The following ZNF782 variants were observed in gnomAD, a reference collection of about 807,000 sequenced individuals.
ZNF782 encodes zinc finger protein 782.
ZNF782 carries 12 observed loss-of-function variants against 13.0 expected under a neutral mutation model. The observed-to-expected ratio is 0.92, with a 90% CI of 0.59 to 1.50. The LOEUF is 1.50. Among genes scored for constraint, ZNF782 ranks in the 40% most tolerant of loss-of-function variants. The pLI, the probability that ZNF782 is intolerant of heterozygous loss-of-function variation, is 0.00. For synonymous variants in ZNF782, 284 were observed against 283.0 expected (o/e 1.00, Z -0.04); for missense variants, 770 against 822.9 (o/e 0.94, Z 0.79).
the ZNF782 span, chr9:96,888,638 T>C: frequency 6.6e-6 from 1 of 152,264 alleles, no homozygotes; most frequent in Non-Finnish European, 1.5e-5. Flanking sequence ...CTGAGCTTAA[T>C]GCAGGATGCA....
intron 4 of ZNF782, among the ~76,000 whole-genome samples, chr9:96,838,019 C>A (rs1419002112): frequency 2.0e-5 from 3 of 152,122 alleles, no homozygotes; most frequent in Non-Finnish European, 4.4e-5. Context: ...AGCCTCTGTG[C>A]CCTGCCTTTT....
the ZNF782 span, among the ~76,000 whole-genome samples, chr9:96,885,705 G>A: frequency 6.8e-6 from 1 of 147,602 alleles, no homozygotes; most frequent in Admixed American, 6.6e-5. Flanking sequence ...TAAGTTTCTG[G>A]AAACAAAAAA....
At chr9:96,910,639 CTTTTTT>C in the ZNF782 span, among the ~76,000 whole-genome samples, 1 of 150,014 alleles carries the variant, frequency 6.7e-6, no homozygotes, top group East Asian at 2.0e-4. Context: ...TGCTTTTTTT[CTTTTTT>C]CTTTTTTTTG....
chr9:96,818,534 G>C lies in ZNF782; in HGVS notation c.1489C>G (p.Arg497Gly). ...FSHMSGLRNH[R>G]RTHTGERPYK... ...GGTCTTTCCCCTGTGTGAGTTCTTC[G>C]GTGATTCCTTAGGCCTGACATATGG... Residue 497 changes from arginine to glycine, a missense_variant, in exon 6 of 6, where the codon CGA becomes GGA. By Grantham distance (125) the Arg-to-Gly change is moderately radical. Transcript: ENST00000481138. 1 of 1,613,644 alleles carries C rather than the reference G, an allele frequency of 6.2e-7. No homozygotes were observed. Among genetic ancestry groups the C allele is most frequent in the Non-Finnish European group, 8.5e-7 (1 of 1,179,938 alleles).
At chr9:96,903,900 G>A in the ZNF782 span, among the ~76,000 whole-genome samples, 2 of 151,860 alleles carry the variant, frequency 1.3e-5, no homozygotes, top group Non-Finnish European at 2.9e-5. Flanking sequence ...CTAGGAGTGG[G>A]ACTGGTGGGT....
intron 1 of ZNF782, among the ~76,000 whole-genome samples, chr9:96,870,652 AG>A (rs1263428338): frequency 1.3e-5 from 2 of 152,254 alleles, no homozygotes; most frequent in Non-Finnish European, 2.9e-5. Flanking sequence ...GAACTATGTA[AG>A]GGTTTAAAAC....
rs188234442 is a variant in ZNF782, at chr9:96,840,662, T to C, written c.142+4228A>G. On this transcript the variant is annotated intron_variant, in intron 4 of 5. Coordinates refer to ENST00000481138, the MANE Select transcript of ZNF782 (RefSeq NM_001001662.3). ...TGCATTTCTTCATACAGTCTCATAC[T>C]ATATGAATGAGTGTTCAATCAAAGA... Among the ~76,000 whole-genome samples the C allele has an allele frequency of 3.5e-3, 537 of 152,134 alleles. 2 individuals are homozygous for C. Among genetic ancestry groups the C allele is most frequent in the Non-Finnish European group, 5.6e-3 (381 of 67,878 alleles).
At chr9:96,863,105 A>G (rs1851721313) in intron 1 of ZNF782, among the ~76,000 whole-genome samples, 1 of 151,472 alleles carries the variant, frequency 6.6e-6, no homozygotes, top group African/African-American at 2.5e-5. Flanking sequence ...AAAACATTAC[A>G]ACAAAGTACT....
In ZNF782 at chr9:96,821,702, T is replaced by C. The variant is rs551143305; in HGVS notation, c.245-1924A>G. ...TTTTTTTTTCTTGAGACAGAGTCCTTGATCTGTCACCCAGGCTGGAGTGCA... is the reference window on the plus strand; with the variant it reads ...TTTTTTTTTCTTGAGACAGAGTCCTCGATCTGTCACCCAGGCTGGAGTGCA... On this transcript the variant is annotated intron_variant, in intron 5 of 5. Transcript: ENST00000481138. Among the ~76,000 whole-genome samples the C allele has an allele frequency of 1.2e-4, 18 of 151,752 alleles. 1 individual carries two copies. The South Asian group carries it at 3.5e-3, about 30-fold the overall frequency.
the ZNF782 span, chr9:96,910,366 T>C: frequency 1.7e-6 from 1 of 587,804 alleles, no homozygotes; most frequent in Non-Finnish European, 3.2e-6. Flanking sequence ...AGGATGATGA[T>C]GTCGATACCA....
intron 1 of ZNF782, among the ~76,000 whole-genome samples, chr9:96,863,294 C>G (rs896257907): frequency 1.3e-5 from 2 of 150,862 alleles, no homozygotes; most frequent in Non-Finnish European, 2.9e-5. Flanking sequence ...GAAATGCAAA[C>G]GAAAACCACA....
chr9:96,825,666 G>A (rs1311235036), intron 5 of ZNF782, among the ~76,000 whole-genome samples: 2 of 152,052 alleles, frequency 1.3e-5, no homozygotes, highest in Non-Finnish European at 2.9e-5. Context: ...ATCTGACAAA[G>A]GGCTAATATC....
Position 96,820,271 on chromosome 9 carries a change from A to G in ZNF782, c.245-493T>C, listed in dbSNP as rs536690920. Among the ~76,000 whole-genome samples the G allele has an allele frequency of 1.6e-4, 24 of 152,366 alleles. No individual in the cohort carries two copies. In the South Asian group the frequency reaches 5.0e-3, roughly 32 times the overall value. On this transcript the variant is annotated intron_variant, in intron 5 of 5. Transcript: ENST00000481138. The stretch of plus-strand genomic sequence containing the variant: ...TATAAATTACAATGGTAGGATAATC[A>G]TTAGCCTGCAATAGTTCAGTTGGAG...
At chr9:96,917,887 C>CGCGTGTGTGT in the ZNF782 span, among the ~76,000 whole-genome samples, 2 of 121,682 alleles carry the variant, frequency 1.6e-5, no homozygotes, top group African/African-American at 7.2e-5. Context: ...CCACCCTTGG[C>CGCGTGTGTGT]GTGTGTGTGT....
chr9:96,899,466 T>A, the ZNF782 span, among the ~76,000 whole-genome samples: 3 of 152,234 alleles, frequency 2.0e-5, no homozygotes, highest in Admixed American at 6.5e-5. Context: ...CTAGGAGCTC[T>A]CTTTAAAGAT....
At chr9:96,902,273 A>C in the ZNF782 span, among the ~76,000 whole-genome samples, 1 of 148,442 alleles carries the variant, frequency 6.7e-6, no homozygotes, top group South Asian at 2.1e-4. Context: ...AAAATACAAA[A>C]ATTAGCCAGG....
chr9:96,860,011 C>A (rs898333410), intron 3 of ZNF782, among the ~76,000 whole-genome samples: 1 of 151,980 alleles, frequency 6.6e-6, no homozygotes, highest in Non-Finnish European at 1.5e-5. Flanking sequence ...GTGATGACGT[C>A]GTAGGTGGGA....
In ZNF782 at chr9:96,850,063, A is replaced by G. The variant is rs1325714419; in HGVS notation, c.15+1884T>C. ...GAATGCTTATACGCTGCTGGTAGGA[A>G]TGTAAATTAGGACAACCTCTATGGA... On this transcript the variant is annotated intron_variant, in intron 3 of 5. Transcript: ENST00000481138. This position sits in a 1 kb window ranked among gnomAD's most constrained non-coding sequence, Gnocchi z 4.3. 2.0e-5 allele frequency among the ~76,000 whole-genome samples: 3 copies of G among 152,232 alleles called. No individual in the cohort carries two copies. The highest frequency in any genetic ancestry group is 4.4e-5 in the Non-Finnish European group (3 of 68,038).
In ZNF782 at chr9:96,819,353, A is replaced by C; in HGVS notation, c.670T>G (p.Phe224Val). 6.2e-7 allele frequency: 1 copy of C among 1,600,316 alleles called. No homozygotes were observed. The highest frequency in any genetic ancestry group is 8.5e-7 in the Non-Finnish European group (1 of 1,175,196). The change falls in exon 6 of 6, where the codon TTT becomes GTT. Residue 224 changes from phenylalanine to valine, a missense_variant. Phe to Val is a conservative substitution (Grantham distance 50). Coordinates refer to ENST00000481138, the MANE Select transcript of ZNF782 (RefSeq NM_001001662.3). ...GTAACAAGGGCAGCCTTTTCAAGAA[A>C]AGCTTTTCTACTTTCATTATATTCA... ...DFEYNESRKA[F>V]LEKAALVTSN... is the part of the protein sequence containing the mutation.
Sources: allele counts gnomAD v4.1 joint callset (sites outside exome capture counted in the v4.1 genomes callset), GRCh38; gene constraint gnomAD v4.1.1; non-coding constraint Gnocchi (gnomAD v3.1); transcripts MANE v1.5; gene names NCBI Gene and HGNC (gene_info 2026-07-23, HGNC 2026-07-21).